The following MCHR2 variants were observed in gnomAD, a reference collection of about 807,000 sequenced individuals.
The protein encoded by MCHR2 is melanin-concentrating hormone receptor 2.
MCHR2 carries 15 observed loss-of-function variants against 24.8 expected under a neutral mutation model. That is an observed-to-expected ratio of 0.60 (90% CI 0.40 to 0.93). The LOEUF (loss-of-function observed/expected upper bound fraction) is 0.93, where lower values mean the gene tolerates loss of function less well. MCHR2 is among the 40% of genes least tolerant of loss of function. MCHR2 has a pLI of 0.00. For missense variants in MCHR2, 386 were observed against 408.7 expected, an observed-to-expected ratio of 0.94 and a Z score of 0.48; for synonymous variants, 151 against 147.6, an observed-to-expected ratio of 1.02 and a Z score of -0.17.
intron 5 of MCHR2, among the ~76,000 whole-genome samples, chr6:99,924,139 G>C (rs1774302655): frequency 6.6e-6 from 1 of 151,950 alleles, no homozygotes; most frequent in African/African-American, 2.4e-5. Flanking sequence ...ATCTTGGTAG[G>C]TTATATATGT....
At chr6:99,935,704 G>T (rs758404693) in intron 4 of MCHR2, among the ~76,000 whole-genome samples, 27 of 151,764 alleles carry the variant, frequency 1.8e-4, no homozygotes, top group Admixed American at 1.3e-3. Context: ...TATTAATATC[G>T]TTTCTTTTGG....
intron 1 of MCHR2, among the ~76,000 whole-genome samples, chr6:99,961,706 C>T (rs139659912): frequency 1.0e-3 from 153 of 151,968 alleles, no homozygotes; most frequent in African/African-American, 3.5e-3. Context: ...GGGCCTGTTG[C>T]GGGATGGGAG....
intron 1 of MCHR2, among the ~76,000 whole-genome samples, chr6:99,989,374 T>A (rs879658287): frequency 2.6e-5 from 4 of 152,232 alleles, no homozygotes; most frequent in Non-Finnish European, 5.9e-5. Context: ...GATACTGTGT[T>A]AAGTACCTTA....
At chr6:99,977,698 C>T (rs922734637) in intron 1 of MCHR2, among the ~76,000 whole-genome samples, 4 of 151,918 alleles carry the variant, frequency 2.6e-5, no homozygotes, top group Admixed American at 1.3e-4. Flanking sequence ...ATAATGGCTA[C>T]TATGCCTAGT....
intron 1 of MCHR2, among the ~76,000 whole-genome samples, chr6:99,963,784 A>G (rs1382574145): frequency 3.3e-5 from 5 of 152,112 alleles, no homozygotes; most frequent in Admixed American, 6.6e-5. Flanking sequence ...TTGGTAAACT[A>G]TGTTTGCAAA....
At chr6:99,993,690 G>C (rs928606584) in intron 1 of MCHR2, among the ~76,000 whole-genome samples, 1 of 151,972 alleles carries the variant, frequency 6.6e-6, no homozygotes. Flanking sequence ...TTTCTTTGCC[G>C]AGTGTGAAAC....
intron 1 of MCHR2, among the ~76,000 whole-genome samples, chr6:99,962,462 A>G (rs1332409259): frequency 6.6e-6 from 1 of 152,164 alleles, no homozygotes; most frequent in Non-Finnish European, 1.5e-5. Flanking sequence ...TGGTCAACTG[A>G]TCTTCAACAA....
chr6:99,984,734 A>G (rs1775739998), intron 1 of MCHR2, among the ~76,000 whole-genome samples: 1 of 152,150 alleles, frequency 6.6e-6, no homozygotes, highest in African/African-American at 2.4e-5. Flanking sequence ...GTGAATGTGG[A>G]AAAGTTAAAA....
At chr6:99,930,857 A>G (rs1330678374) in intron 5 of MCHR2, among the ~76,000 whole-genome samples, 3 of 152,188 alleles carry the variant, frequency 2.0e-5, no homozygotes, top group African/African-American at 4.8e-5. Context: ...GTCATTCTCC[A>G]TCCAGCTTTG....
rs148217807 is a variant in MCHR2, at chr6:99,972,984, A to G, written c.-27-16810T>C. ...GCTGAGGAGAGCTTTACTTCCAACT[A>G]TGTGGTCCGTTTTGGAATAGGTGTT... On this transcript the variant is annotated intron_variant, in intron 1 of 5. Coordinates refer to ENST00000281806, the MANE Select transcript of MCHR2 (RefSeq NM_001040179.2). Among the ~76,000 whole-genome samples the G allele has an allele frequency of 5.4e-4, 82 of 152,158 alleles. 1 individual carries two copies. The East Asian group carries it at 8.9e-3, about 17-fold the overall frequency.
intron 1 of MCHR2, among the ~76,000 whole-genome samples, chr6:99,958,427 T>C (rs915551915): frequency 6.6e-5 from 10 of 151,848 alleles, no homozygotes; most frequent in Non-Finnish European, 1.3e-4. Context: ...TAAAAACAAA[T>C]GTAAAAGGCT....
At chr6:99,980,496 G>A (rs979991663) in intron 1 of MCHR2, among the ~76,000 whole-genome samples, 2 of 152,082 alleles carry the variant, frequency 1.3e-5, no homozygotes, top group African/African-American at 4.8e-5. Flanking sequence ...GCAGGGAAGA[G>A]CTGTCCAAAT....
chr6:99,957,275 T>A (rs1365942860), intron 1 of MCHR2, among the ~76,000 whole-genome samples: 1 of 152,158 alleles, frequency 6.6e-6, no homozygotes, highest in Non-Finnish European at 1.5e-5. Flanking sequence ...GTGTATTTTA[T>A]CTAGTCAGAT....
intron 5 of MCHR2, among the ~76,000 whole-genome samples, chr6:99,930,117 T>C (rs937111515): frequency 3.9e-5 from 6 of 151,924 alleles, no homozygotes; most frequent in African/African-American, 1.5e-4. Context: ...TGGCTGGATA[T>C]GAAATTCTGG....
chr6:99,988,436 C>G (rs943951561), intron 1 of MCHR2, among the ~76,000 whole-genome samples: 3 of 152,216 alleles, frequency 2.0e-5, no homozygotes, highest in Non-Finnish European at 4.4e-5. Flanking sequence ...AAAGAAAGTG[C>G]AGTCCTTTCC....
intron 5 of MCHR2, among the ~76,000 whole-genome samples, chr6:99,926,404 C>T (rs374495534): frequency 6.6e-6 from 1 of 152,148 alleles, no homozygotes; most frequent in South Asian, 2.1e-4. Flanking sequence ...CCTGAGGAAT[C>T]GCCACACTGA....
At chr6:99,993,543 T>C (rs1775926413) in intron 1 of MCHR2, among the ~76,000 whole-genome samples, 1 of 152,106 alleles carries the variant, frequency 6.6e-6, no homozygotes, top group Admixed American at 6.5e-5. Context: ...CCTCCTCGCC[T>C]TCGCCACTTC....
chr6:99,918,652 T>C lies in MCHR2; in HGVS notation c.*2288A>G, dbSNP rs1464680555. On this transcript the variant is annotated 3_prime_UTR_variant, in exon 6 of 6. Transcript: ENST00000281806. Reference sequence around the variant, plus strand: ...CCCAAGTATCATTATTAACTTCATTTGAAAGTAAACATGTATACATATCAT... The same window carrying C: ...CCCAAGTATCATTATTAACTTCATTCGAAAGTAAACATGTATACATATCAT... Among the ~76,000 whole-genome samples the C allele has an allele frequency of 5.3e-5, 8 of 152,348 alleles. No individual in the cohort carries two copies. The East Asian group carries it at 1.5e-3, about 29-fold the overall frequency.
chr6:99,988,755 T>C (rs1214572120), intron 1 of MCHR2, among the ~76,000 whole-genome samples: 1 of 152,204 alleles, frequency 6.6e-6, no homozygotes, highest in Non-Finnish European at 1.5e-5. Context: ...TCTTAAATAC[T>C]ATAGAGGATT....
Sources: allele counts gnomAD v4.1 joint callset (sites outside exome capture counted in the v4.1 genomes callset), GRCh38; gene constraint gnomAD v4.1.1; transcripts MANE v1.5; gene names NCBI Gene and HGNC (gene_info 2026-07-23, HGNC 2026-07-21).